ROR1: variants seen among roughly 807,000 people sequenced by gnomAD.
ROR1 encodes ROR family WNT receptor 1, also known as inactive tyrosine-protein kinase transmembrane receptor ROR1.
ROR1 carries 19 observed loss-of-function variants against 78.8 expected under a neutral mutation model. The observed-to-expected ratio is 0.24, with a 90% CI of 0.17 to 0.35. The LOEUF is 0.35. ROR1 is among the 10% of genes least tolerant of loss of function. The probability of loss-of-function intolerance (pLI) is 1.00; values close to 1 mark genes in which losing one functional copy is unlikely to be tolerated. For synonymous variants in ROR1, 386 were observed against 433.6 expected, an observed-to-expected ratio of 0.89 and a Z score of 1.36; for missense variants, 917 against 1,177.8, an observed-to-expected ratio of 0.78 and a Z score of 3.24.
rs555591218 is a variant in ROR1, at chr1:64,170,522, C to T, written c.1387-6906C>T. 3.3e-5 allele frequency among the ~76,000 whole-genome samples: 5 copies of T among 152,280 alleles called. No homozygotes were observed. The South Asian group carries it at 8.3e-4, about 25-fold the overall frequency. The stretch of plus-strand genomic sequence containing the variant: ...ACCTCTGGGTGATGGGAGGGGCTGC[C>T]GTGAAGACCTCTGACATGCCTTGGA... On this transcript the variant is annotated intron_variant, in intron 8 of 8. Transcript: ENST00000371079.
chr1:64,044,273 G>A (rs904238143), intron 2 of ROR1, among the ~76,000 whole-genome samples: 1 of 152,156 alleles, frequency 6.6e-6, no homozygotes, highest in Non-Finnish European at 1.5e-5. Flanking sequence ...TGGAAACAGC[G>A]CTGGGCTTGG....
intron 1 of ROR1, among the ~76,000 whole-genome samples, chr1:63,922,374 A>G (rs1645662882): frequency 6.6e-6 from 1 of 152,152 alleles, no homozygotes; most frequent in Admixed American, 6.5e-5. Flanking sequence ...AGTCTTTTCA[A>G]TTTAGTAGGT....
chr1:64,160,441 G>A (rs1385620041), intron 8 of ROR1, among the ~76,000 whole-genome samples: 1 of 151,724 alleles, frequency 6.6e-6, no homozygotes, highest in African/African-American at 2.4e-5. Flanking sequence ...ATCTCTTGCT[G>A]AGTGTGAATT....
intron 1 of ROR1, among the ~76,000 whole-genome samples, chr1:63,836,247 T>A (rs1645018160): frequency 6.6e-6 from 1 of 152,192 alleles, no homozygotes; most frequent in African/African-American, 2.4e-5. Context: ...AACACCATAG[T>A]CCGTCCATGA....
intron 1 of ROR1, among the ~76,000 whole-genome samples, chr1:63,997,854 AC>A (rs1285960981): frequency 1.3e-5 from 2 of 150,626 alleles, no homozygotes; most frequent in South Asian, 2.1e-4. Flanking sequence ...AAAAGTCTTT[AC>A]CCAATTGTGA....
At chr1:63,847,248 A>G (rs663458) in intron 1 of ROR1, among the ~76,000 whole-genome samples, 64,268 of 151,984 alleles carry the variant, frequency 0.42, 16,608 homozygotes, top group African/African-American at 0.74. Flanking sequence ...CGGGACTTGG[A>G]GGAATTCTCC....
At chr1:64,140,529 C>T (rs1159843564) in intron 6 of ROR1, 103 bp downstream of exon 6, 14 of 1,085,158 alleles carry the variant, frequency 1.3e-5, no homozygotes, top group Non-Finnish European at 4.0e-6. Flanking sequence ...TACTGTTAAT[C>T]AAATTATTTT....
At chr1:64,107,505 A>C (rs958346934) in intron 4 of ROR1, among the ~76,000 whole-genome samples, 6 of 152,136 alleles carry the variant, frequency 3.9e-5, no homozygotes, top group African/African-American at 1.4e-4. Context: ...CCTTGTGATC[A>C]TTATGCAGTA....
At position 63,939,997 on chromosome 1, in the gene ROR1, G is replaced by A. The variant is rs566636988; in HGVS notation, c.92-69308G>A. On this transcript the variant is annotated intron_variant, in intron 1 of 8. Coordinates refer to ENST00000371079, the MANE Select transcript of ROR1 (RefSeq NM_005012.4). Reference sequence around the variant, plus strand: ...GTGGGAAGGGAGGAAGTTAGGAGTTGGACCTGAGTATCCTGTATACAGGAG... The same window carrying A: ...GTGGGAAGGGAGGAAGTTAGGAGTTAGACCTGAGTATCCTGTATACAGGAG... Among the ~76,000 whole-genome samples the A allele has an allele frequency of 2.6e-5, 4 of 152,282 alleles. No homozygotes were observed. The South Asian group carries it at 8.3e-4, about 32-fold the overall frequency.
rs533243969 is a variant in ROR1 at position 64,099,833 on chromosome 1, G to T, written c.483-37536G>T. ...GCACTTTGGGAGGCCGAGGCAGGTG[G>T]ATCACAAGGTCAAGAGTCCAAGACC... On this transcript the variant is annotated intron_variant, in intron 4 of 8. Coordinates refer to ENST00000371079, the MANE Select transcript of ROR1 (RefSeq NM_005012.4). 2.6e-4 allele frequency among the ~76,000 whole-genome samples: 39 copies of T among 152,242 alleles called. 1 individual carries two copies. The East Asian group carries it at 7.4e-3, about 29-fold the overall frequency.
intron 1 of ROR1, among the ~76,000 whole-genome samples, chr1:63,951,323 G>A (rs754636474): frequency 2.0e-5 from 3 of 152,102 alleles, no homozygotes; most frequent in Non-Finnish European, 2.9e-5. Context: ...ATTGTTCCAG[G>A]CACCCTACAC....
intron 2 of ROR1, among the ~76,000 whole-genome samples, chr1:64,020,400 A>G (rs1646555529): frequency 6.6e-6 from 1 of 152,208 alleles, no homozygotes; most frequent in African/African-American, 2.4e-5. Context: ...CGAGGCCTGT[A>G]CTGGCTGAAG....
intron 1 of ROR1, among the ~76,000 whole-genome samples, chr1:63,971,202 A>G (rs999997079): frequency 3.3e-5 from 5 of 152,104 alleles, no homozygotes; most frequent in Non-Finnish European, 7.4e-5. Context: ...GCAAACCACA[A>G]CCCTTTCACT....
At chr1:63,966,898 C>G (rs1557587055) in intron 1 of ROR1, among the ~76,000 whole-genome samples, 1 of 152,286 alleles carries the variant, frequency 6.6e-6, no homozygotes, top group South Asian at 2.1e-4. Context: ...TATCACCTTA[C>G]TAGGAGGCCT....
At chr1:64,076,034 C>A (rs1647047934) in intron 4 of ROR1, among the ~76,000 whole-genome samples, 1 of 152,324 alleles carries the variant, frequency 6.6e-6, no homozygotes, top group East Asian at 1.9e-4. Flanking sequence ...TGTGGGTCTT[C>A]CTGTCAGCTC....
At position 64,004,155 on chromosome 1, in the gene ROR1, T is replaced by A. The variant is rs933478191; in HGVS notation, c.92-5150T>A. ...AAGTCTGGCTCTATCTTAGAACTTC[T>A]GTGATTTTGGCGAAGCCACTTCCCT... On this transcript the variant is annotated intron_variant, in intron 1 of 8. Coordinates refer to ENST00000371079, the MANE Select transcript of ROR1 (RefSeq NM_005012.4). 9.2e-5 allele frequency among the ~76,000 whole-genome samples: 14 copies of A among 152,226 alleles called. 1 individual carries two copies. Among genetic ancestry groups the A allele is most frequent in the Non-Finnish European group, 1.9e-4 (13 of 68,040 alleles).
intron 1 of ROR1, among the ~76,000 whole-genome samples, chr1:64,002,814 G>A (rs1356627446): frequency 6.6e-6 from 1 of 152,204 alleles, no homozygotes; most frequent in East Asian, 1.9e-4. Flanking sequence ...ATTGATCGTT[G>A]AGGAGCTTGG....
At position 64,181,002 on chromosome 1, in the gene ROR1, C is replaced by T. The variant is rs1226074530; in HGVS notation, c.*2147C>T. 1.3e-5 allele frequency: 2 copies of T among 152,072 alleles called. No individual in the cohort carries two copies. The highest frequency in any genetic ancestry group is 4.8e-5 in the African/African-American group (2 of 41,430). The allele number at this position is 152,072 out of a possible 1,614,324, so 9.4% of individuals were successfully genotyped here. A position where few individuals can be genotyped will look rare whatever the true frequency, so the allele number is the denominator to read the frequency against. ...TGTAATAATGTATTTTATAATCGCA[C>T]TGTGATACTATATAACACAGTCTCT... On this transcript the variant is annotated 3_prime_UTR_variant, in exon 9 of 9. Transcript: ENST00000371079.
At chr1:64,030,979 C>T (rs947960001) in intron 2 of ROR1, among the ~76,000 whole-genome samples, 1 of 152,120 alleles carries the variant, frequency 6.6e-6, no homozygotes, top group Non-Finnish European at 1.5e-5. Flanking sequence ...TGGCCTCAAT[C>T]GATCTTCCCA....
Sources: gnomAD v4.1 joint callset for allele counts (sites outside exome capture counted in the v4.1 genomes callset) on GRCh38, gnomAD v4.1.1 for gene constraint, MANE v1.5 for transcripts, NCBI Gene and HGNC (gene_info 2026-07-23, HGNC 2026-07-21) for gene names.